Variants in RAD54B observed in about 807,000 individuals in gnomAD.
The protein encoded by RAD54B is RAD54 homolog B.
Under a neutral mutation model 95.8 loss-of-function variants are expected in RAD54B, and 78 were observed. The ratio of observed to expected loss-of-function variants is 0.81; its 90% CI spans 0.68 to 0.98. RAD54B has a LOEUF of 0.98. Among genes scored for constraint, RAD54B ranks in the 50% least tolerant of loss-of-function variants. RAD54B has a pLI of 0.00. For missense variants in RAD54B, 957 were observed against 1,056.6 expected (o/e 0.91, Z 1.31); for synonymous variants, 328 against 354.9 (o/e 0.92, Z 0.85).
intron 4 of RAD54B, among the ~76,000 whole-genome samples, chr8:94,408,823 A>C (rs969362123): frequency 1.3e-5 from 2 of 152,190 alleles, no homozygotes; most frequent in African/African-American, 2.4e-5. Context: ...TCAGTTTTAC[A>C]TGGAAATGGA....
chr8:94,421,763 T>C (rs1811811666), intron 3 of RAD54B, among the ~76,000 whole-genome samples: 1 of 152,222 alleles, frequency 6.6e-6, no homozygotes, highest in Non-Finnish European at 1.5e-5. Flanking sequence ...CTATGTATTG[T>C]ATCCTTCTCC....
At chr8:94,437,826 G>T (rs1812304505) in intron 3 of RAD54B, among the ~76,000 whole-genome samples, 1 of 152,160 alleles carries the variant, frequency 6.6e-6, no homozygotes, top group Admixed American at 6.6e-5. Flanking sequence ...AGCTAGTCTA[G>T]CCATTTTCAA....
intron 11 of RAD54B, among the ~76,000 whole-genome samples, chr8:94,385,495 CAT>C (rs1810867130): frequency 1.3e-5 from 2 of 152,162 alleles, no homozygotes. Flanking sequence ...TCTAATAAAA[CAT>C]GTGAGAAGAG....
chr8:94,449,359 G>A (rs2130156386), intron 3 of RAD54B, among the ~76,000 whole-genome samples: 1 of 152,108 alleles, frequency 6.6e-6, no homozygotes, highest in Admixed American at 6.5e-5. Context: ...TGTAATCCCA[G>A]CACTTTGGGA....
chr8:94,431,962 A>T lies in RAD54B; in HGVS notation c.305-20647T>A, dbSNP rs1812107765. 2 of 1,299,794 alleles carry T rather than the reference A, an allele frequency of 1.5e-6. 1 individual carries two copies. The highest frequency in any genetic ancestry group is 4.9e-5 in the South Asian group (2 of 41,158). The allele number at this position is 1,299,794 out of a possible 1,614,324, so 80.5% of individuals were successfully genotyped here. On this transcript the variant is annotated intron_variant, in intron 3 of 14. Transcript: ENST00000336148. ...CTATAACCATGCCAACCAACCAGTA[A>T]ATTTTAATATCTCAAAAGAAAATAA...
intron 8 of RAD54B, among the ~76,000 whole-genome samples, chr8:94,395,491 A>G (rs1811122002): frequency 6.6e-6 from 1 of 152,186 alleles, no homozygotes. Context: ...ATTGCAAACT[A>G]TAGAGGAGAA....
chr8:94,448,262 C>T (rs950211487), intron 3 of RAD54B, among the ~76,000 whole-genome samples: 10 of 152,006 alleles, frequency 6.6e-5, no homozygotes, highest in African/African-American at 2.4e-4. Context: ...GCACTCCACC[C>T]TGGGTGACCA....
intron 3 of RAD54B, among the ~76,000 whole-genome samples, chr8:94,444,859 C>T (rs1268023456): frequency 5.9e-5 from 9 of 152,158 alleles, no homozygotes; most frequent in Non-Finnish European, 1.0e-4. Context: ...CAGTGTCTTT[C>T]TCAAGAACCA....
intron 2 of RAD54B, among the ~76,000 whole-genome samples, chr8:94,462,607 C>T (rs1431718981): frequency 6.6e-6 from 1 of 152,128 alleles, no homozygotes; most frequent in Non-Finnish European, 1.5e-5. Context: ...GCAATACTTT[C>T]TCACTATAGG....
chr8:94,468,578 C>A (rs1813087848), intron 1 of RAD54B, among the ~76,000 whole-genome samples: 1 of 151,810 alleles, frequency 6.6e-6, no homozygotes, highest in Non-Finnish European at 1.5e-5. Context: ...GTAATCCCAG[C>A]ACTTCAGGAG....
At chr8:94,432,703 A>G in intron 3 of RAD54B, 1 of 1,413,296 alleles carries the variant, frequency 7.1e-7, no homozygotes, top group East Asian at 2.5e-5. Context: ...AAATGAAGAA[A>G]AAGTGTATAT....
At chr8:94,389,147 G>T (rs560647530) in intron 10 of RAD54B, among the ~76,000 whole-genome samples, 4 of 152,248 alleles carry the variant, frequency 2.6e-5, no homozygotes, top group African/African-American at 9.6e-5. Context: ...AAGAGACAGG[G>T]CCTCATTATG....
intron 3 of RAD54B, chr8:94,431,016 C>G: frequency 1.0e-6 from 1 of 985,344 alleles, no homozygotes; most frequent in South Asian, 4.7e-5. Context: ...GTCCCCTTCA[C>G]TGCTGAAATT....
chr8:94,395,891 G>A (rs938868410), intron 8 of RAD54B, among the ~76,000 whole-genome samples: 14 of 152,146 alleles, frequency 9.2e-5, no homozygotes, highest in African/African-American at 3.4e-4. Context: ...GGTTGTTGTA[G>A]CCTGGCCTAC....
chr8:94,378,620 T>C lies in RAD54B; in HGVS notation c.2262A>G (p.Val754=), dbSNP rs1168090774. Residue 754 remains valine (V), a synonymous_variant, in exon 13 of 15, where the codon GTA becomes GTG. Coordinates refer to ENST00000336148, the MANE Select transcript of RAD54B (RefSeq NM_012415.3). The part of the protein sequence containing the change: ...PATDIQAMSR[V]WRDGQKYPVH... ...CAGGATATTTCTGACCATCTCTCCA[T>C]ACTCTAGACATTGCCTATAGAAAAT... 1 of 1,608,810 alleles carries C rather than the reference T, an allele frequency of 6.2e-7. No homozygotes were observed. The highest frequency in any genetic ancestry group is 8.5e-7 in the Non-Finnish European group (1 of 1,176,554).
At chr8:94,423,637 A>G (rs1192605208) in intron 3 of RAD54B, among the ~76,000 whole-genome samples, 1 of 152,134 alleles carries the variant, frequency 6.6e-6, no homozygotes, top group Non-Finnish European at 1.5e-5. Context: ...TTTTTAGATA[A>G]ATTTGTAGCT....
chr8:94,454,876 C>G (rs187072036), intron 3 of RAD54B, among the ~76,000 whole-genome samples: 1 of 152,318 alleles, frequency 6.6e-6, no homozygotes, highest in Admixed American at 6.5e-5. Flanking sequence ...GCCCAACCAT[C>G]TCCAAGGACC....
intron 5 of RAD54B, 29 bp from the exon 6 acceptor site, chr8:94,404,268 G>A (rs960209419): frequency 3.3e-6 from 5 of 1,525,936 alleles, no homozygotes; most frequent in African/African-American, 1.4e-5. Flanking sequence ...TACAAGTATT[G>A]TAATTTCACT....
At chr8:94,442,240 G>C (rs1812413313) in intron 3 of RAD54B, among the ~76,000 whole-genome samples, 1 of 152,174 alleles carries the variant, frequency 6.6e-6, no homozygotes, top group African/African-American at 2.4e-5. Context: ...GGCTGGGAAG[G>C]AGAGGTGGGG....
Sources: allele counts gnomAD v4.1 joint callset (sites outside exome capture counted in the v4.1 genomes callset), GRCh38; gene constraint gnomAD v4.1.1; transcripts MANE v1.5; gene names NCBI Gene and HGNC (gene_info 2026-07-23, HGNC 2026-07-21).